SPATA16: variants seen among roughly 807,000 people sequenced by gnomAD.
The protein encoded by SPATA16 is spermatogenesis associated 16, also known as spermatogenesis-associated protein 16.
Under a neutral mutation model 63.3 loss-of-function variants are expected in SPATA16, and 36 were observed. The observed-to-expected ratio is 0.57, with a 90% CI of 0.44 to 0.75. SPATA16 has a LOEUF of 0.75. SPATA16 is among the 30% of genes least tolerant of loss of function. The pLI, the probability that SPATA16 is intolerant of heterozygous loss-of-function variation, is 0.00. For missense variants in SPATA16, 646 were observed against 679.3 expected (o/e 0.95, Z 0.54); for synonymous variants, 203 against 216.7 (o/e 0.94, Z 0.56).
intron 10 of SPATA16, among the ~76,000 whole-genome samples, chr3:172,893,450 C>G (rs2109539397): frequency 6.6e-6 from 1 of 152,320 alleles, no homozygotes; most frequent in South Asian, 2.1e-4. Flanking sequence ...TTCTGCACAG[C>G]CCTCGGAGGG....
At position 173,138,759 on chromosome 3, in the gene SPATA16, G is replaced by A. The variant is rs184486480; in HGVS notation, c.-19+2344C>T. 3.3e-5 allele frequency among the ~76,000 whole-genome samples: 5 copies of A among 152,212 alleles called. No homozygotes were observed. In the East Asian group the frequency reaches 7.7e-4, roughly 23 times the overall value. Reference sequence around the variant, plus strand: ...TTCAGCTTCAGTTTCTACTCATAAAGGTTAAAGAGACGCTTTCTAACACCT... The same window carrying A: ...TTCAGCTTCAGTTTCTACTCATAAAAGTTAAAGAGACGCTTTCTAACACCT... On this transcript the variant is annotated intron_variant, in intron 1 of 10. Coordinates refer to ENST00000351008, the MANE Select transcript of SPATA16 (RefSeq NM_031955.6).
intron 2 of SPATA16, among the ~76,000 whole-genome samples, chr3:173,049,297 T>G (rs567360227): frequency 1.3e-5 from 2 of 151,964 alleles, no homozygotes; most frequent in Non-Finnish European, 2.9e-5. Context: ...TTAAATAAAT[T>G]GTTCCTGTTC....
chr3:173,069,088 C>A (rs1429624263), intron 2 of SPATA16, among the ~76,000 whole-genome samples: 1 of 135,914 alleles, frequency 7.4e-6, no homozygotes, highest in East Asian at 2.1e-4. Context: ...CCAGCCTGGG[C>A]AGCAGTACGA....
intron 5 of SPATA16, among the ~76,000 whole-genome samples, chr3:172,973,643 C>T (rs900037160): frequency 6.6e-6 from 1 of 152,072 alleles, no homozygotes; most frequent in African/African-American, 2.4e-5. Context: ...GCTTGTTTTC[C>T]TCATGTTATT....
At chr3:172,936,746 C>T (rs1385475363) in intron 6 of SPATA16, among the ~76,000 whole-genome samples, 7 of 152,084 alleles carry the variant, frequency 4.6e-5, no homozygotes, top group Non-Finnish European at 8.8e-5. Context: ...CTTGCTCTGT[C>T]GACCAGACTG....
chr3:173,064,414 T>TA (rs1303333427), intron 2 of SPATA16, among the ~76,000 whole-genome samples: 1 of 151,858 alleles, frequency 6.6e-6, no homozygotes, highest in Non-Finnish European at 1.5e-5. Flanking sequence ...TAATCCCAGC[T>TA]TTCATGTACA....
In SPATA16 at chr3:173,117,144, T is replaced by C; in HGVS notation, c.588A>G (p.Ala196=). Residue 196 remains alanine (A), a synonymous_variant, in exon 2 of 11, where the codon GCA becomes GCG. Transcript: ENST00000351008. ...CCTCAAGTGCTGTTCTGAACTGTCC[T>C]GCTGCCAAGGCGTATTTCTTTTGTC... The part of the protein sequence containing the change: ...CYRQKKYALA[A]GQFRTALELC... 6.2e-7 allele frequency: 1 copy of C among 1,614,158 alleles called. No individual in the cohort carries two copies. Among genetic ancestry groups the C allele is most frequent in the Non-Finnish European group, 8.5e-7 (1 of 1,179,970 alleles).
rs530793846 is a variant in SPATA16 at position 173,113,881 on chromosome 3, A to G, written c.612+3239T>C. Among the ~76,000 whole-genome samples the G allele has an allele frequency of 5.5e-4, 84 of 152,308 alleles. 4 individuals are homozygous for G. The South Asian group carries it at 0.017, about 30-fold the overall frequency. On this transcript the variant is annotated intron_variant, in intron 2 of 10. Transcript: ENST00000351008. ...CTGACTTTGTACCACATATTTGGCA[A>G]CCATTCTGAATGCCTCTGCTGGGCG...
intron 2 of SPATA16, among the ~76,000 whole-genome samples, chr3:173,070,135 C>T (rs920634237): frequency 6.6e-6 from 1 of 152,142 alleles, no homozygotes; most frequent in African/African-American, 2.4e-5. Context: ...TGGCTTACAC[C>T]TGTAATCCCA....
At chr3:172,941,917 T>C (rs1011499508) in intron 6 of SPATA16, among the ~76,000 whole-genome samples, 3 of 152,088 alleles carry the variant, frequency 2.0e-5, no homozygotes, top group Admixed American at 6.5e-5. Context: ...TCTTGCTCAG[T>C]TGATAATCAT....
Position 173,088,028 on chromosome 3 carries a change from T to A in SPATA16, c.612+29092A>T, listed in dbSNP as rs1431238186. On this transcript the variant is annotated intron_variant, in intron 2 of 10. Transcript: ENST00000351008. ...TTTCCGTCTTTCTTTCTTTCTTTCTTTCTTTCTTTCTTTCTTTCTTTCTTT... is the reference window on the plus strand; with the variant it reads ...TTTCCGTCTTTCTTTCTTTCTTTCTATCTTTCTTTCTTTCTTTCTTTCTTT... 3.8e-3 allele frequency among the ~76,000 whole-genome samples: 477 copies of A among 124,220 alleles called. 19 individuals are homozygous for A. Among genetic ancestry groups the A allele is most frequent in the African/African-American group, 8.5e-3 (290 of 34,254 alleles). The allele number at this position is 124,220 out of a possible 152,430, so 81.5% of individuals were successfully genotyped here.
At chr3:173,011,998 T>C (rs1735084950) in intron 4 of SPATA16, among the ~76,000 whole-genome samples, 1 of 152,084 alleles carries the variant, frequency 6.6e-6, no homozygotes, top group Admixed American at 6.6e-5. Flanking sequence ...AAAAAGTTTG[T>C]TTTTTCTTCA....
intron 4 of SPATA16, among the ~76,000 whole-genome samples, chr3:173,003,650 A>T (rs954634972): frequency 1.3e-4 from 20 of 152,222 alleles, no homozygotes; most frequent in African/African-American, 3.6e-4. Flanking sequence ...ATGGCTGCTC[A>T]AACTGACATA....
intron 2 of SPATA16, among the ~76,000 whole-genome samples, chr3:173,068,019 T>C (rs1736563966): frequency 1.3e-5 from 2 of 152,228 alleles, no homozygotes; most frequent in African/African-American, 4.8e-5. Context: ...AAAATTATCC[T>C]TCAAACATGA....
intron 5 of SPATA16, among the ~76,000 whole-genome samples, chr3:172,963,465 T>G (rs1405205454): frequency 1.3e-5 from 2 of 151,838 alleles, no homozygotes; most frequent in Admixed American, 1.3e-4. Context: ...AATATTAAAT[T>G]TAAAGTATTT....
intron 2 of SPATA16, among the ~76,000 whole-genome samples, chr3:173,054,736 A>G (rs758825416): frequency 6.6e-5 from 10 of 152,186 alleles, no homozygotes; most frequent in Non-Finnish European, 1.3e-4. Flanking sequence ...CGTTCCGCAC[A>G]TGTATCCTTT....
intron 8 of SPATA16, among the ~76,000 whole-genome samples, chr3:172,919,773 G>A (rs1030903187): frequency 6.6e-6 from 1 of 151,754 alleles, no homozygotes; most frequent in Non-Finnish European, 1.5e-5. Flanking sequence ...TGCCTCCCAG[G>A]TTCAAGCAAT....
intron 2 of SPATA16, among the ~76,000 whole-genome samples, chr3:173,105,708 A>G (rs1444457525): frequency 2.0e-5 from 3 of 152,022 alleles, no homozygotes; most frequent in Non-Finnish European, 4.4e-5. Context: ...CACATGCAAT[A>G]TATCCAAAGT....
chr3:173,099,688 A>G (rs990248897), intron 2 of SPATA16, among the ~76,000 whole-genome samples: 5 of 152,306 alleles, frequency 3.3e-5, no homozygotes, highest in African/African-American at 1.2e-4. Flanking sequence ...ATGAAAGAGT[A>G]ATTTAAAATG....
Sources: gnomAD v4.1 joint callset for allele counts (sites outside exome capture counted in the v4.1 genomes callset) on GRCh38, gnomAD v4.1.1 for gene constraint, MANE v1.5 for transcripts, NCBI Gene and HGNC (gene_info 2026-07-23, HGNC 2026-07-21) for gene names.